Variants in MZT1 observed in about 807,000 individuals in gnomAD.
MZT1 encodes the protein mitotic spindle organizing protein 1, also known as mitotic-spindle organizing protein 1.
MZT1 carries 8 observed loss-of-function variants against 8.5 expected under a neutral mutation model. That is an observed-to-expected ratio of 0.94 (90% CI 0.55 to 1.70). The LOEUF is 1.70. Among genes scored for constraint, MZT1 ranks in the 40% most tolerant of loss-of-function variants. The probability of loss-of-function intolerance (pLI) is 0.00; values close to 1 mark genes in which losing one functional copy is unlikely to be tolerated. For synonymous variants in MZT1, 38 were observed against 42.0 expected, an observed-to-expected ratio of 0.90 and a Z score of 0.37; for missense variants, 93 against 108.6, an observed-to-expected ratio of 0.86 and a Z score of 0.64.
rs992318525 is a variant in MZT1, at chr13:72,709,248, T to C, written c.*1074A>G. 6.6e-6 allele frequency: 1 copy of C among 151,950 alleles called. No homozygotes were observed. Among genetic ancestry groups the C allele is most frequent in the Non-Finnish European group, 1.5e-5 (1 of 67,888 alleles). The allele number at this position is 151,950 out of a possible 1,614,324, so 9.4% of individuals were successfully genotyped here. On this transcript the variant is annotated 3_prime_UTR_variant, in exon 3 of 3. Coordinates refer to ENST00000377818, the MANE Select transcript of MZT1 (RefSeq NM_001071775.3). Reference sequence around the variant, plus strand: ...TAATATAGAACATTTGATTGTTTAGTTTTGTTTAATGACTGGAAATCCTTA... The same window carrying C: ...TAATATAGAACATTTGATTGTTTAGCTTTGTTTAATGACTGGAAATCCTTA...
intron 1 of MZT1, among the ~76,000 whole-genome samples, chr13:72,724,231 G>A (rs2032617324): frequency 1.3e-5 from 2 of 152,122 alleles, no homozygotes; most frequent in African/African-American, 4.8e-5. Context: ...GCATTTTAAG[G>A]ACTTTTTGGC....
At position 72,709,210 on chromosome 13, in the gene MZT1, T is replaced by C. The variant is rs904559799; in HGVS notation, c.*1112A>G. ...TAAAAAGGTTTTTTAAAAAAAGCCA[T>C]ACTTGAGATTCCTAATATAGAACAT... On this transcript the variant is annotated 3_prime_UTR_variant, in exon 3 of 3. Coordinates refer to ENST00000377818, the MANE Select transcript of MZT1 (RefSeq NM_001071775.3). 2 of 151,958 alleles carry C rather than the reference T, an allele frequency of 1.3e-5. No homozygotes were observed. Among genetic ancestry groups the C allele is most frequent in the African/African-American group, 4.8e-5 (2 of 41,452 alleles). The allele number at this position is 151,958 out of a possible 1,614,324, so 9.4% of individuals were successfully genotyped here.
At chr13:72,725,046 G>A (rs558737593) in intron 1 of MZT1, among the ~76,000 whole-genome samples, 62 of 144,564 alleles carry the variant, frequency 4.3e-4, no homozygotes, top group African/African-American at 1.5e-3. Context: ...AGCCAGACTC[G>A]GTCTCAAAAA....
At chr13:72,727,169 C>T (rs79287354) in intron 1 of MZT1, among the ~76,000 whole-genome samples, 3 of 152,140 alleles carry the variant, frequency 2.0e-5, no homozygotes, top group African/African-American at 7.2e-5. Flanking sequence ...CAGGAGGGAA[C>T]GGGTGTACTG....
chr13:72,720,825 T>C (rs1468614685), intron 1 of MZT1, among the ~76,000 whole-genome samples: 2 of 152,156 alleles, frequency 1.3e-5, no homozygotes, highest in Non-Finnish European at 2.9e-5. Flanking sequence ...GAAGTAAAGG[T>C]TGCGGTGAGC....
chr13:72,719,630 C>T (rs899774470), intron 1 of MZT1, among the ~76,000 whole-genome samples: 30 of 152,040 alleles, frequency 2.0e-4, no homozygotes, highest in African/African-American at 6.8e-4. Context: ...GCTGAATTGA[C>T]ATACAATAGT....
rs771956749 is a variant in MZT1, at chr13:72,710,183, T to C, written c.*139A>G. On this transcript the variant is annotated 3_prime_UTR_variant, in exon 3 of 3. Coordinates refer to ENST00000377818, the MANE Select transcript of MZT1 (RefSeq NM_001071775.3). ...CACTTTCCACTGATTTATAAAGCTA[T>C]GGTTTTATAATTCTTTTAAAAAGTA... is the stretch of plus-strand genomic sequence containing the variant. 1.3e-6 allele frequency: 1 copy of C among 745,038 alleles called. No individual in the cohort carries two copies. The allele number at this position is 745,038 out of a possible 1,614,324, so 46.2% of individuals were successfully genotyped here.
At position 72,723,127 on chromosome 13, in the gene MZT1, A is replaced by AC. The variant is rs35607399; in HGVS notation, c.80-4031dup. ...TTCCAGTTTGTTCTCTTCATGGTAGACCCCCCCACGTATAAAGGCTATGCT... is the reference window on the plus strand; with the variant it reads ...TTCCAGTTTGTTCTCTTCATGGTAGACCCCCCCCACGTATAAAGGCTATGCT... On this transcript the variant is annotated intron_variant, in intron 1 of 2. Transcript: ENST00000377818. Among the ~76,000 whole-genome samples, 189 of 151,102 alleles carry AC rather than the reference A, an allele frequency of 1.3e-3. 1 individual carries two copies. Among genetic ancestry groups the AC allele is most frequent in the Admixed American group, 3.1e-3 (47 of 15,186 alleles).
intron 2 of MZT1, among the ~76,000 whole-genome samples, chr13:72,713,779 G>A (rs2032509814): frequency 6.6e-6 from 1 of 152,134 alleles, no homozygotes; most frequent in Non-Finnish European, 1.5e-5. Context: ...TGTCATGTTG[G>A]TACTCAAAGT....
At chr13:72,721,220 C>T (rs1001328189) in intron 1 of MZT1, among the ~76,000 whole-genome samples, 3 of 152,120 alleles carry the variant, frequency 2.0e-5, no homozygotes, top group Non-Finnish European at 4.4e-5. Flanking sequence ...TTGATCCTTT[C>T]GGATATTACT....
In MZT1 at chr13:72,719,098, C is replaced by G; in HGVS notation, c.80-1G>C. 1 of 1,456,220 alleles carries G rather than the reference C, an allele frequency of 6.9e-7. No homozygotes were observed. 90.2% of individuals were successfully genotyped at this position (1,456,220 alleles called of 1,614,324 possible). On this transcript the variant is annotated splice_acceptor_variant, in intron 1 of 2. Transcript: ENST00000377818. LOFTEE classifies it high-confidence loss of function. ...AAAATTCTTGAAATCTCAAGCAGAA[C>G]TGAAAAAAGATACAAAAAAAAAAAA...
At chr13:72,726,742 C>CAT (rs1410310305) in intron 1 of MZT1, among the ~76,000 whole-genome samples, 1 of 34,412 alleles carries the variant, frequency 2.9e-5, no homozygotes, top group Non-Finnish European at 8.2e-5. Flanking sequence ...TTTTATTTTA[C>CAT]AGAAAAAAAA....
At chr13:72,724,752 A>ATATATATATATATATATATATGTGTG (rs1180726488) in intron 1 of MZT1, among the ~76,000 whole-genome samples, 2 of 56,856 alleles carry the variant, frequency 3.5e-5, no homozygotes, top group Admixed American at 2.6e-4. Flanking sequence ...ACATATATAT[A>ATATATATATATATATATATATGTGTG]TGTAAAGTGG....
At chr13:72,719,618 T>C (rs1184336429) in intron 1 of MZT1, among the ~76,000 whole-genome samples, 4 of 152,184 alleles carry the variant, frequency 2.6e-5, no homozygotes, top group Non-Finnish European at 5.9e-5. Context: ...CATATTTAAT[T>C]TGCTGAATTG....
At chr13:72,725,541 G>A (rs1400833199) in intron 1 of MZT1, among the ~76,000 whole-genome samples, 1 of 151,180 alleles carries the variant, frequency 6.6e-6, no homozygotes, top group African/African-American at 2.4e-5. Context: ...AAAAAGTTTT[G>A]AAAATTTTAT....
At chr13:72,714,395 C>T (rs1041723634) in intron 2 of MZT1, among the ~76,000 whole-genome samples, 3 of 152,150 alleles carry the variant, frequency 2.0e-5, no homozygotes, top group Non-Finnish European at 4.4e-5. Flanking sequence ...GCAACCTGTC[C>T]ATGTGGTAGA....
Position 72,710,329 on chromosome 13 carries a change from G to C in MZT1, c.242C>G (p.Thr81Arg). The C allele has an allele frequency of 1.2e-6, 2 of 1,613,100 alleles. No individual in the cohort carries two copies. The highest frequency in any genetic ancestry group is 1.7e-6 in the Non-Finnish European group (2 of 1,179,328). Residue 81 changes from threonine to arginine, a missense_variant, in exon 3 of 3, where the codon ACA becomes AGA. Thr to Arg is a moderately conservative substitution (Grantham distance 71). Coordinates refer to ENST00000377818, the MANE Select transcript of MZT1 (RefSeq NM_001071775.3). ...TEALKAAENM[T>R]S is the part of the protein sequence containing the mutation. ...CAGAATTTCTCCAGAAAGTCAGCTTGTCATATTTTCAGCAGCCTAGAACAA... is the reference window on the plus strand; with the variant it reads ...CAGAATTTCTCCAGAAAGTCAGCTTCTCATATTTTCAGCAGCCTAGAACAA...
intron 1 of MZT1, among the ~76,000 whole-genome samples, chr13:72,726,903 C>A (rs1351874109): frequency 6.6e-6 from 1 of 152,190 alleles, no homozygotes; most frequent in Non-Finnish European, 1.5e-5. Context: ...GTAGGCTTCA[C>A]ACACACGTGC....
rs2032475287 is a variant in MZT1 at position 72,710,264 on chromosome 13, G to A, written c.*58C>T. 1 of 1,566,096 alleles carries A rather than the reference G, an allele frequency of 6.4e-7. No individual in the cohort carries two copies. The highest frequency in any genetic ancestry group is 1.4e-5 in the African/African-American group (1 of 73,746). ...TTCATTGTACATTCTCAACTACAATGCAATCTTCAAACCCTCTTGCAGAGC... is the reference window on the plus strand; with the variant it reads ...TTCATTGTACATTCTCAACTACAATACAATCTTCAAACCCTCTTGCAGAGC... On this transcript the variant is annotated 3_prime_UTR_variant, in exon 3 of 3. Transcript: ENST00000377818.
Sources: allele counts gnomAD v4.1 joint callset (sites outside exome capture counted in the v4.1 genomes callset), GRCh38; gene constraint gnomAD v4.1.1; transcripts MANE v1.5; gene names NCBI Gene and HGNC (gene_info 2026-07-23, HGNC 2026-07-21).